TTC6: variants seen among roughly 807,000 people sequenced by gnomAD.
TTC6 encodes the protein tetratricopeptide repeat domain 6.
TTC6 carries 172 observed loss-of-function variants against 210.4 expected under a neutral mutation model. The ratio of observed to expected loss-of-function variants is 0.82; its 90% CI spans 0.72 to 0.93. TTC6 has a LOEUF of 0.93. Ranked by LOEUF, TTC6 falls within the 40% of genes least tolerant of loss-of-function variation. TTC6 has a pLI of 0.00. For synonymous variants in TTC6, 804 were observed against 819.6 expected (o/e 0.98, Z 0.32); for missense variants, 2,414 against 2,318.1 (o/e 1.04, Z -0.85).
intron 10 of TTC6, among the ~76,000 whole-genome samples, chr14:37,746,189 C>A (rs1274420508): frequency 1.3e-5 from 2 of 152,146 alleles, no homozygotes. Flanking sequence ...CCATTGGAAT[C>A]AGTGAAACAA....
At chr14:37,841,424 C>T (rs760131933) in intron 29 of TTC6, 21 bp from the exon 32 acceptor site, 1 of 1,559,022 alleles carries the variant, frequency 6.4e-7, no homozygotes, top group Non-Finnish European at 8.7e-7. Context: ...TAAAATATAT[C>T]ATTATCTTCA....
chr14:37,710,761 T>A lies in TTC6; in HGVS notation c.1572-3894T>A, dbSNP rs559658249. ...CACTCTTTCCACTATATCAGTGATT[T>A]TTAGTCTTCCTTGAGGATAAGAGTC... On this transcript the variant is annotated intron_variant, in intron 5 of 30. Transcript: ENST00000553443. Among the ~76,000 whole-genome samples, 4 of 152,268 alleles carry A rather than the reference T, an allele frequency of 2.6e-5. No individual in the cohort carries two copies. The South Asian group carries it at 8.3e-4, about 32-fold the overall frequency.
At chr14:37,626,121 C>T (rs548722447) in intron 1 of TTC6, among the ~76,000 whole-genome samples, 59 of 152,288 alleles carry the variant, frequency 3.9e-4, no homozygotes, top group Non-Finnish European at 6.5e-4. Context: ...AATTATGCCA[C>T]CCTCTTTTAT....
chr14:37,611,579 G>A (rs1399088635), intron 2 of TTC6, among the ~76,000 whole-genome samples: 2 of 152,132 alleles, frequency 1.3e-5, no homozygotes, highest in Non-Finnish European at 2.9e-5. Context: ...GGGTTGAAGA[G>A]GAGCTGGAAG....
chr14:37,814,923 CATT>C (rs2096137991), intron 25 of TTC6, among the ~76,000 whole-genome samples: 1 of 152,084 alleles, frequency 6.6e-6, no homozygotes, highest in Admixed American at 6.6e-5. Context: ...GTGCTGAAAA[CATT>C]AGTTAGTTGA....
At chr14:37,738,901 C>T in exon 10 of TTC6, 1 of 1,535,252 alleles carries the variant, frequency 6.5e-7, no homozygotes, top group Non-Finnish European at 8.7e-7. Context: ...AACGTCAGCT[C>T]CAGCTCACTA....
chr14:37,725,679 A>T (rs2095871750), intron 7 of TTC6, among the ~76,000 whole-genome samples: 1 of 151,998 alleles, frequency 6.6e-6, no homozygotes, highest in Admixed American at 6.6e-5. Context: ...ATGTATATTT[A>T]AAAAATGTTA....
At chr14:37,779,433 G>A (rs893624259) in intron 14 of TTC6, among the ~76,000 whole-genome samples, 10 of 151,968 alleles carry the variant, frequency 6.6e-5, no homozygotes, top group African/African-American at 2.4e-4. Context: ...CTTTTAGGTG[G>A]ATCATTTAAA....
At chr14:37,809,868 A>G (rs548705558) in intron 24 of TTC6, among the ~76,000 whole-genome samples, 5 of 152,094 alleles carry the variant, frequency 3.3e-5, no homozygotes, top group East Asian at 1.9e-4. Context: ...GCGGTCTTTC[A>G]GTGTAGTGTC....
intron 10 of TTC6, among the ~76,000 whole-genome samples, chr14:37,742,382 C>T (rs996814503): frequency 1.3e-5 from 2 of 151,260 alleles, no homozygotes; most frequent in Non-Finnish European, 1.5e-5. Flanking sequence ...TATCCTTCCA[C>T]TTTTTGGTTT....
intron 7 of TTC6, among the ~76,000 whole-genome samples, chr14:37,725,885 TA>T (rs2095872110): frequency 6.6e-6 from 1 of 152,186 alleles, no homozygotes; most frequent in Non-Finnish European, 1.5e-5. Flanking sequence ...CCAAATGTGG[TA>T]ATCTTTTTCC....
chr14:37,837,945 C>G (rs1483160959), intron 29 of TTC6, among the ~76,000 whole-genome samples: 6 of 152,120 alleles, frequency 3.9e-5, no homozygotes, highest in African/African-American at 1.4e-4. Flanking sequence ...GTCCATGCCA[C>G]AGAAATGTCA....
Position 37,796,865 on chromosome 14 carries a change from T to C in TTC6, c.3947T>C (p.Leu1316Ser), listed in dbSNP as rs762529401. ...AACCATGACAAGGCCATTGAGGTCT[T>C]GGACGGAATCAGCTGGAATAGAGCT... Residue 1316 changes from leucine to serine, a missense_variant, in exon 20 of 31, where the codon TTG becomes TCG. Leu to Ser is a moderately radical substitution (Grantham distance 145, BLOSUM62 -2). Transcript: ENST00000553443. 6 of 1,611,742 alleles carry C rather than the reference T, an allele frequency of 3.7e-6. No individual in the cohort carries two copies. In the Admixed American group the frequency reaches 1.0e-4, roughly 27 times the overall value.
intron 5 of TTC6, among the ~76,000 whole-genome samples, chr14:37,708,463 C>G (rs2095839296): frequency 6.6e-6 from 1 of 152,068 alleles, no homozygotes; most frequent in African/African-American, 2.4e-5. Context: ...TAATGATTGA[C>G]TAATCCATGT....
At chr14:37,803,798 T>C (rs2096112355) in intron 20 of TTC6, among the ~76,000 whole-genome samples, 2 of 152,220 alleles carry the variant, frequency 1.3e-5, no homozygotes, top group Non-Finnish European at 2.9e-5. Flanking sequence ...TAATCCACTT[T>C]TTCTAGGCAA....
chr14:37,714,599 C>T lies in TTC6; in HGVS notation c.1572-56C>T, dbSNP rs975207111. The T allele has an allele frequency of 6.9e-6, 10 of 1,446,102 alleles. No individual in the cohort carries two copies. In the African/African-American group the frequency reaches 1.4e-4, roughly 20 times the overall value. The allele number at this position is 1,446,102 out of a possible 1,614,324, so 89.6% of individuals were successfully genotyped here. ...TGGAGTTATGAAATGAGGGCAAACA[C>T]CTTATACTTTGTCAATTACTTAAAA... On this transcript the variant is annotated intron_variant, in intron 5 of 30. Transcript: ENST00000553443.
rs558650873 is a variant in TTC6 at position 37,689,639 on chromosome 14, T to C, written c.1257+6675T>C. Among the ~76,000 whole-genome samples the C allele has an allele frequency of 1.1e-3, 164 of 152,250 alleles. 2 individuals are homozygous for C. The Middle Eastern group carries it at 0.068, about 63-fold the overall frequency. ...GCAGCAGACTTTTCAGTGGAAACCTTACAGGCCACAAGAGAGTAGCATGAC... is the reference window on the plus strand; with the variant it reads ...GCAGCAGACTTTTCAGTGGAAACCTCACAGGCCACAAGAGAGTAGCATGAC... On this transcript the variant is annotated intron_variant, in intron 3 of 30. Coordinates refer to ENST00000553443, the Ensembl canonical transcript of TTC6.
intron 1 of TTC6, among the ~76,000 whole-genome samples, chr14:37,657,088 G>C (rs1293469940): frequency 2.0e-5 from 3 of 151,404 alleles, no homozygotes; most frequent in Non-Finnish European, 1.5e-5. Context: ...GGCGCATACC[G>C]GTAGCCCCAG....
Position 37,719,680 on chromosome 14 carries a change from G to A in TTC6, c.1713+4884G>A, listed in dbSNP as rs1312993139. ...GAAAAAGAACCCTGACCTAAGTCTTGCATCCTATAAAAAATGTACTTAAAA... is the reference window on the plus strand; with the variant it reads ...GAAAAAGAACCCTGACCTAAGTCTTACATCCTATAAAAAATGTACTTAAAA... On this transcript the variant is annotated intron_variant, in intron 6 of 30. Transcript: ENST00000553443. Among the ~76,000 whole-genome samples the A allele has an allele frequency of 2.6e-5, 4 of 152,134 alleles. No individual in the cohort carries two copies. In the East Asian group the frequency reaches 7.7e-4, roughly 29 times the overall value.
Sources: gnomAD v4.1 joint callset for allele counts (sites outside exome capture counted in the v4.1 genomes callset) on GRCh38, gnomAD v4.1.1 for gene constraint, MANE v1.5 for transcripts, NCBI Gene and HGNC (gene_info 2026-07-23, HGNC 2026-07-21) for gene names.